Variants in KIF9 observed in about 807,000 individuals in gnomAD.
KIF9 encodes the protein kinesin-like protein KIF9.
Under a neutral mutation model 94.8 loss-of-function variants are expected in KIF9, and 68 were observed. The observed-to-expected ratio is 0.72, with a 90% CI of 0.59 to 0.88. The LOEUF is 0.88. KIF9 is among the 40% of genes least tolerant of loss of function. The pLI is 0.00. For missense variants in KIF9, 882 were observed against 982.5 expected (o/e 0.90, Z 1.37); for synonymous variants, 343 against 362.1 (o/e 0.95, Z 0.60).
At chr3:47,241,457 G>A (rs1294078588) in intron 16 of KIF9, among the ~76,000 whole-genome samples, 1 of 151,710 alleles carries the variant, frequency 6.6e-6, no homozygotes, top group African/African-American at 2.4e-5. Flanking sequence ...CAGTAGCTGG[G>A]ATTACAGGCA....
At chr3:47,242,954 T>C (rs1699672823) in intron 16 of KIF9, 97 bp downstream of exon 16, 2 of 1,029,422 alleles carry the variant, frequency 1.9e-6, no homozygotes, top group Admixed American at 5.2e-5. Context: ...TATTATTTCT[T>C]ATTTTATTTC....
intron 16 of KIF9, 118 bp downstream of exon 16, chr3:47,242,933 T>TA: frequency 1.2e-6 from 1 of 832,842 alleles, no homozygotes; most frequent in Non-Finnish European, 1.8e-6. Flanking sequence ...ACTGTGCTCC[T>TA]AGTCTTTGCC....
In KIF9 at chr3:47,243,387, A is replaced by C. The variant is rs934484035; in HGVS notation, c.1515-142T>G. 8.8e-6 allele frequency: 5 copies of C among 566,304 alleles called. No individual in the cohort carries two copies. The Admixed American group carries it at 1.7e-4, about 19-fold the overall frequency. 35.1% of individuals were successfully genotyped at this position (566,304 alleles called of 1,614,324 possible). On this transcript the variant is annotated intron_variant, in intron 15 of 20. Transcript: ENST00000684063. ...CATCTTGTTCATATGCCTAGGTAAA[A>C]GCGCAAATAGTGTGATGCTAAGCCA...
In KIF9 at chr3:47,230,858, T is replaced by G. The variant is rs535629492; in HGVS notation, c.2323-2156A>C. Among the ~76,000 whole-genome samples, 7 of 151,454 alleles carry G rather than the reference T, an allele frequency of 4.6e-5. No individual in the cohort carries two copies. In the South Asian group the frequency reaches 1.3e-3, roughly 27 times the overall value. ...TTCAAGACCAGGCTGGCCAACACGG[T>G]GAAACCCTGTCTGTATTAAAAATAC... On this transcript the variant is annotated intron_variant, in intron 20 of 20. Transcript: ENST00000684063.
chr3:47,265,313 T>C (rs1453919223), intron 8 of KIF9, among the ~76,000 whole-genome samples: 1 of 152,116 alleles, frequency 6.6e-6, no homozygotes, highest in Non-Finnish European at 1.5e-5. Context: ...GTGACTGTGT[T>C]GTCAGGCTCA....
intron 1 of KIF9, among the ~76,000 whole-genome samples, chr3:47,279,670 G>A (rs780967008): frequency 6.7e-6 from 1 of 149,808 alleles, no homozygotes; most frequent in Non-Finnish European, 1.5e-5. Flanking sequence ...AGGTTGGAGC[G>A]CAGTGGCGCC....
intron 1 of KIF9, among the ~76,000 whole-genome samples, chr3:47,281,878 G>A (rs1003877120): frequency 2.6e-5 from 4 of 152,210 alleles, no homozygotes; most frequent in Admixed American, 6.5e-5. Context: ...GAAGGCACCA[G>A]GTGGGTCCCT....
At chr3:47,282,248 A>G in intron 1 of KIF9, 1 of 985,476 alleles carries the variant, frequency 1.0e-6, no homozygotes, top group Non-Finnish European at 1.2e-6. Flanking sequence ...CACGGCCTCT[A>G]TGTCCTGGAC....
chr3:47,248,728 C>T (rs1700082812), intron 10 of KIF9, among the ~76,000 whole-genome samples: 1 of 152,144 alleles, frequency 6.6e-6, no homozygotes, highest in East Asian at 1.9e-4. Flanking sequence ...CAGGCATGAG[C>T]CACCATACCC....
intron 11 of KIF9, 122 bp from the exon 12 acceptor site, chr3:47,247,599 G>A: frequency 1.3e-6 from 1 of 743,948 alleles, no homozygotes; most frequent in Non-Finnish European, 2.4e-6. Context: ...TGCCCAAGCT[G>A]GCTCCTTCCC....
chr3:47,262,361 C>T (rs1701031884), intron 9 of KIF9, among the ~76,000 whole-genome samples: 1 of 152,004 alleles, frequency 6.6e-6, no homozygotes, highest in Admixed American at 6.6e-5. Context: ...TCACTACAAC[C>T]TCTGCCTCCA....
chr3:47,272,013 G>A (rs1260146834), intron 4 of KIF9, among the ~76,000 whole-genome samples: 1 of 152,088 alleles, frequency 6.6e-6, no homozygotes, highest in African/African-American at 2.4e-5. Context: ...CCAGCGACTC[G>A]GGAGGCTGAG....
At position 47,281,339 on chromosome 3, in the gene KIF9, GTTTTTGT is replaced by G. The variant is rs1273940826; in HGVS notation, c.-6+1149_-6+1155del. On this transcript the variant is annotated intron_variant, in intron 1 of 20. Transcript: ENST00000684063. ...CTCACCACACGCTTTTTTTGTTTTTGTTTTTGTTTTTTGTTTATTTGTTTTTGTGACA... is the reference window on the plus strand; with the variant it reads ...CTCACCACACGCTTTTTTTGTTTTTGTTTTTGTTTATTTGTTTTTGTGACA... 5 of 314,414 alleles carry G rather than the reference GTTTTTGT, an allele frequency of 1.6e-5. No homozygotes were observed. In the East Asian group the frequency reaches 3.1e-4, roughly 19 times the overall value. The allele number at this position is 314,414 out of a possible 1,614,324, so 19.5% of individuals were successfully genotyped here. A position where few individuals can be genotyped will look rare whatever the true frequency, so the allele number is the denominator to read the frequency against.
chr3:47,268,618 T>C (rs1452969753), intron 5 of KIF9, among the ~76,000 whole-genome samples: 1 of 151,106 alleles, frequency 6.6e-6, no homozygotes, highest in Non-Finnish European at 1.5e-5. Flanking sequence ...ATTCTCACTC[T>C]GTTGCCCAGG....
chr3:47,240,154 C>T (rs1468497050), intron 17 of KIF9: 3 of 283,862 alleles, frequency 1.1e-5, no homozygotes, highest in South Asian at 3.5e-5. Context: ...GTGTGGGCGG[C>T]GCACGCCACC....
intron 9 of KIF9, among the ~76,000 whole-genome samples, chr3:47,258,129 C>T (rs751286144): frequency 6.6e-6 from 1 of 152,136 alleles, no homozygotes; most frequent in Non-Finnish European, 1.5e-5. Context: ...TTTATATTTT[C>T]TAGTAACCAT....
At chr3:47,256,240 G>T (rs1312786480) in intron 10 of KIF9, among the ~76,000 whole-genome samples, 2 of 152,054 alleles carry the variant, frequency 1.3e-5, no homozygotes, top group African/African-American at 4.8e-5. Flanking sequence ...GATGTGAGGA[G>T]CCCCTCTGCC....
chr3:47,251,974 CT>C (rs1278125711), intron 10 of KIF9, among the ~76,000 whole-genome samples: 1 of 152,154 alleles, frequency 6.6e-6, no homozygotes, highest in Non-Finnish European at 1.5e-5. Context: ...CCACAGAGAG[CT>C]TGTGGAAGAG....
At chr3:47,230,139 A>G (rs1698448952) in intron 20 of KIF9, among the ~76,000 whole-genome samples, 1 of 152,222 alleles carries the variant, frequency 6.6e-6, no homozygotes, top group Admixed American at 6.5e-5. Context: ...CTATCTGGGC[A>G]CAGGGGCTCA....
Sources: allele counts gnomAD v4.1 joint callset (sites outside exome capture counted in the v4.1 genomes callset), GRCh38; gene constraint gnomAD v4.1.1; transcripts MANE v1.5; gene names NCBI Gene and HGNC (gene_info 2026-07-23, HGNC 2026-07-21).